The following ADGRL3 variants were observed in gnomAD, a reference collection of about 807,000 sequenced individuals.
ADGRL3 encodes the protein calcium-independent alpha-latrotoxin receptor 3.
In ADGRL3, 62 loss-of-function variants were observed where a neutral mutation model predicts 153.5. The ratio of observed to expected loss-of-function variants is 0.40; its 90% CI spans 0.33 to 0.50. ADGRL3 has a LOEUF of 0.50. Among genes scored for constraint, ADGRL3 ranks in the 20% least tolerant of loss-of-function variants. The pLI is 0.47. For synonymous variants in ADGRL3, 710 were observed against 672.5 expected (o/e 1.06, Z -0.86); for missense variants, 1,641 against 1,859.4 (o/e 0.88, Z 2.16).
chr4:61,315,478 G>A (rs1361140284), intron 1 of ADGRL3, among the ~76,000 whole-genome samples: 1 of 152,132 alleles, frequency 6.6e-6, no homozygotes, highest in African/African-American at 2.4e-5. Context: ...CAAGGGCTCT[G>A]TATACAAAGT....
chr4:61,732,927 G>A lies in ADGRL3; in HGVS notation c.772G>A (p.Asp258Asn). The A allele has an allele frequency of 1.9e-6, 3 of 1,613,738 alleles. No homozygotes were observed. Among genetic ancestry groups the A allele is most frequent in the Non-Finnish European group, 2.5e-6 (3 of 1,179,804 alleles). The change falls in exon 8 of 27, where the codon GAC becomes AAC. Residue 258 changes from aspartate to asparagine, a missense_variant. By Grantham distance (23) the Asp-to-Asn change is conservative. Coordinates refer to ENST00000683033, the MANE Select transcript of ADGRL3 (RefSeq NM_001387552.1). ...CCTGACTGAGTATTCATCCAAGGAT[G>A]ACTTCATTGCTGGAAGACCAACTAC... is the stretch of plus-strand genomic sequence containing the variant. ...DTLTEYSSKD[D>N]FIAGRPTTTY...
chr4:61,778,293 G>T (rs982067819), intron 8 of ADGRL3, among the ~76,000 whole-genome samples: 3 of 152,066 alleles, frequency 2.0e-5, no homozygotes, highest in Admixed American at 1.3e-4. Flanking sequence ...AATGCTTCTG[G>T]TCCCACACAT....
intron 10 of ADGRL3, 34 bp downstream of exon 10, chr4:61,892,992 T>G: frequency 7.4e-7 from 1 of 1,354,638 alleles, no homozygotes; most frequent in Non-Finnish European, 9.7e-7. Context: ...GTTAAAACTG[T>G]TGTGTTGCTT....
chr4:61,416,686 C>T (rs1240685010), intron 2 of ADGRL3, among the ~76,000 whole-genome samples: 1 of 152,066 alleles, frequency 6.6e-6, no homozygotes, highest in Non-Finnish European at 1.5e-5. Context: ...GTATATAAAA[C>T]AGATGCATTA....
In ADGRL3 at chr4:61,300,764, C is replaced by CTTT. The variant is rs1304409504; in HGVS notation, c.-239-82359_-239-82357dup. Among the ~76,000 whole-genome samples the CTTT allele has an allele frequency of 1.7e-4, 19 of 111,508 alleles. 3 individuals are homozygous for CTTT. The highest frequency in any genetic ancestry group is 1.1e-4 in the Admixed American group (1 of 8,770). The allele number at this position is 111,508 out of a possible 152,430, so 73.2% of individuals were successfully genotyped here. A position where few individuals can be genotyped will look rare whatever the true frequency, so the allele number is the denominator to read the frequency against. On this transcript the variant is annotated intron_variant, in intron 1 of 26. Coordinates refer to ENST00000683033, the MANE Select transcript of ADGRL3 (RefSeq NM_001387552.1). The stretch of plus-strand genomic sequence containing the variant: ...GAATGAGTTTTGTTTTCTTTTCTTT[C>CTTT]TTTCTTTTTTTTTTTTTTTGAGACA...
intron 1 of ADGRL3, among the ~76,000 whole-genome samples, chr4:61,376,514 G>T (rs538619316): frequency 6.6e-6 from 1 of 152,176 alleles, no homozygotes; most frequent in African/African-American, 2.4e-5. Context: ...ACAGACATGG[G>T]CTGCTGACTA....
intron 11 of ADGRL3, among the ~76,000 whole-genome samples, chr4:61,905,009 A>T (rs1389185891): frequency 1.3e-5 from 2 of 152,200 alleles, no homozygotes; most frequent in Non-Finnish European, 2.9e-5. Flanking sequence ...AAATAATTAC[A>T]TAAGAACCCA....
intron 5 of ADGRL3, among the ~76,000 whole-genome samples, chr4:61,616,262 G>A (rs1332334670): frequency 6.6e-6 from 1 of 152,104 alleles, no homozygotes; most frequent in Non-Finnish European, 1.5e-5. Context: ...GTTTTAAAAA[G>A]CAGTGTCTTA....
intron 8 of ADGRL3, among the ~76,000 whole-genome samples, chr4:61,798,660 C>T (rs1239081989): frequency 6.6e-6 from 1 of 151,740 alleles, no homozygotes; most frequent in Non-Finnish European, 1.5e-5. Context: ...CTCTATCGCT[C>T]AGGCTGGAGT....
At chr4:61,670,196 A>G (rs143092336) in intron 5 of ADGRL3, among the ~76,000 whole-genome samples, 1 of 152,208 alleles carries the variant, frequency 6.6e-6, no homozygotes, top group African/African-American at 2.4e-5. Context: ...CAGGAGGCTG[A>G]GGCAGGAGAA....
intron 22 of ADGRL3, among the ~76,000 whole-genome samples, chr4:62,029,478 A>G (rs982345810): frequency 1.3e-5 from 2 of 151,762 alleles, no homozygotes; most frequent in Admixed American, 6.6e-5. Context: ...AAATAAAGCT[A>G]CAAGTCTGTA....
chr4:61,247,095 G>A (rs998071787), intron 1 of ADGRL3, among the ~76,000 whole-genome samples: 1 of 151,916 alleles, frequency 6.6e-6, no homozygotes, highest in African/African-American at 2.4e-5. Flanking sequence ...TTAGTTTCAG[G>A]CATCTTTGCC....
At chr4:61,579,794 T>A (rs1444103933) in intron 4 of ADGRL3, among the ~76,000 whole-genome samples, 1 of 152,130 alleles carries the variant, frequency 6.6e-6, no homozygotes, top group Non-Finnish European at 1.5e-5. Context: ...CTTAGTTAAA[T>A]GCTAAAATGC....
intron 21 of ADGRL3, among the ~76,000 whole-genome samples, chr4:62,000,527 CT>C (rs1239069050): frequency 3.3e-5 from 5 of 151,910 alleles, no homozygotes; most frequent in Admixed American, 2.0e-4. Flanking sequence ...CAAATAAAGT[CT>C]TAAATGAAAA....
At chr4:61,531,388 TC>T (rs765105473) in intron 4 of ADGRL3, among the ~76,000 whole-genome samples, 59 of 152,284 alleles carry the variant, frequency 3.9e-4, no homozygotes, top group Admixed American at 1.8e-3. Flanking sequence ...TGCTCACTAA[TC>T]CCCTTGGGAT....
At chr4:61,706,013 T>C (rs1429796756) in intron 6 of ADGRL3, among the ~76,000 whole-genome samples, 1 of 152,164 alleles carries the variant, frequency 6.6e-6, no homozygotes, top group Admixed American at 6.5e-5. Flanking sequence ...GGCTTCAACT[T>C]AAATTCAAAT....
chr4:61,318,179 G>A (rs2095268476), intron 1 of ADGRL3, among the ~76,000 whole-genome samples: 1 of 119,448 alleles, frequency 8.4e-6, no homozygotes, highest in Non-Finnish European at 1.7e-5. Context: ...GGGTGATAGA[G>A]TGAGAACCTG....
intron 6 of ADGRL3, among the ~76,000 whole-genome samples, chr4:61,710,218 G>A (rs1394802901): frequency 6.6e-6 from 1 of 152,082 alleles, no homozygotes; most frequent in Non-Finnish European, 1.5e-5. Context: ...GTGAAATCCT[G>A]TGTGTCTATA....
rs533720826 is a variant in ADGRL3 at position 61,791,254 on chromosome 4, A to T, written c.1400-22555A>T. Among the ~76,000 whole-genome samples, 49 of 152,364 alleles carry T rather than the reference A, an allele frequency of 3.2e-4. No individual in the cohort carries two copies. In the South Asian group the frequency reaches 9.3e-3, roughly 29 times the overall value. Reference sequence around the variant, plus strand: ...AAAGCAAGTTAGTTACTACCTAGATACAATGGGGTACAGGCACTGGGTAAA... The same window carrying T: ...AAAGCAAGTTAGTTACTACCTAGATTCAATGGGGTACAGGCACTGGGTAAA... On this transcript the variant is annotated intron_variant, in intron 8 of 26. Transcript: ENST00000683033.
Sources: gnomAD v4.1 joint callset for allele counts (sites outside exome capture counted in the v4.1 genomes callset) on GRCh38, gnomAD v4.1.1 for gene constraint, MANE v1.5 for transcripts, NCBI Gene and HGNC (gene_info 2026-07-23, HGNC 2026-07-21) for gene names.